Variants in SGTB observed in about 807,000 individuals in gnomAD.
The protein encoded by SGTB is small glutamine-rich tetratricopeptide repeat-containing protein beta.
Under a neutral mutation model 43.9 loss-of-function variants are expected in SGTB, and 19 were observed. The observed-to-expected ratio is 0.43, with a 90% confidence interval of 0.30 to 0.63. The LOEUF (loss-of-function observed/expected upper bound fraction) is 0.63. Among genes scored for constraint, SGTB ranks in the 30% least tolerant of loss-of-function variants. The pLI, the probability that SGTB is intolerant of heterozygous loss-of-function variation, is 0.12. For synonymous variants in SGTB, 116 were observed against 117.3 expected (o/e 0.99, Z 0.07); for missense variants, 304 against 358.9 (o/e 0.85, Z 1.24).
chr5:65,719,400 G>T (rs1410015711), intron 2 of SGTB, among the ~76,000 whole-genome samples: 1 of 151,928 alleles, frequency 6.6e-6, no homozygotes, highest in Non-Finnish European at 1.5e-5. Flanking sequence ...GAACAGCCTG[G>T]GCAACATGGC....
At chr5:65,722,457 G>C (rs761290408), upstream of SGTB, 18 of 1,542,194 alleles carry the variant, frequency 1.2e-5, no homozygotes, top group South Asian at 2.0e-4. Flanking sequence ...GGGCAGGGCG[G>C]GGTCTTTCGC....
rs1757131696 is a variant in SGTB at position 65,670,341 on chromosome 5, G to C, written c.820C>G (p.Gln274Glu). The change falls in exon 11 of 11, where the codon CAG becomes GAG. Residue 274 changes from glutamine (Q) to glutamate (E), a missense_variant. Transcript: ENST00000381007. ...SLIQAGQQFAQQIQQQNPELI... is the reference protein window; with the variant it reads ...SLIQAGQQFAEQIQQQNPELI... ...TCAGGATTTTGTTGCTGTATCTGCT[G>C]AGCAAACTGCTGTCCCCTGTAGTAA... 7 of 1,613,936 alleles carry C rather than the reference G, an allele frequency of 4.3e-6. No individual in the cohort carries two copies. The highest frequency in any genetic ancestry group is 5.9e-6 in the Non-Finnish European group (7 of 1,179,956).
At chr5:65,673,609 A>C (rs1163475195) in intron 8 of SGTB, among the ~76,000 whole-genome samples, 1 of 151,896 alleles carries the variant, frequency 6.6e-6, no homozygotes, top group Non-Finnish European at 1.5e-5. Context: ...ACTGTCTTCC[A>C]TGAAACCAGT....
chr5:65,709,862 A>G (rs1008807901), intron 3 of SGTB, among the ~76,000 whole-genome samples: 4 of 152,170 alleles, frequency 2.6e-5, no homozygotes, highest in African/African-American at 4.8e-5. Context: ...GGCTTCCCAA[A>G]GTGTTGGGAT....
chr5:65,700,950 C>T (rs982666493), intron 5 of SGTB, among the ~76,000 whole-genome samples: 6 of 129,068 alleles, frequency 4.6e-5, no homozygotes, highest in African/African-American at 1.8e-4. Flanking sequence ...GCGGAGGTTG[C>T]AGTGAACCAA....
Position 65,720,696 on chromosome 5 carries a change from G to A in SGTB, c.100+12C>T, listed in dbSNP as rs73763193. On this transcript the variant is annotated intron_variant, in intron 2 of 10. Transcript: ENST00000381007. ...ATTATAATATAAATGAACACAAAGA[G>A]CAGATGCATACCTTCCAAACTTTCT... The A allele has an allele frequency of 9.7e-3, 15,509 of 1,606,854 alleles. 849 individuals are homozygous for A. In the African/African-American group the frequency reaches 0.15, roughly 15 times the overall value.
chr5:65,709,053 T>G (rs891793975), intron 3 of SGTB, among the ~76,000 whole-genome samples: 3 of 146,356 alleles, frequency 2.0e-5, no homozygotes, highest in Non-Finnish European at 3.0e-5. Context: ...AAAAAAAAAA[T>G]AAGAATATGA....
intron 5 of SGTB, among the ~76,000 whole-genome samples, chr5:65,700,214 A>G (rs905091821): frequency 2.0e-5 from 3 of 152,242 alleles, no homozygotes; most frequent in African/African-American, 7.2e-5. Context: ...TCTGGGAACT[A>G]TATCTAACAG....
chr5:65,670,144 T>C lies in SGTB; in HGVS notation c.*102A>G, dbSNP rs1290113276. 1.8e-5 allele frequency: 16 copies of C among 879,030 alleles called. No homozygotes were observed. Among genetic ancestry groups the C allele is most frequent in the Non-Finnish European group, 2.3e-5 (13 of 553,452 alleles). 54.5% of individuals were successfully genotyped at this position (879,030 alleles called of 1,614,324 possible). ...CTCCATTATTTTCACACATCAGATA[T>C]GGTGTTTGGTTTTTTGAAGGAGGGA... On this transcript the variant is annotated 3_prime_UTR_variant, in exon 11 of 11. Coordinates refer to ENST00000381007, the MANE Select transcript of SGTB (RefSeq NM_019072.3).
At position 65,720,051 on chromosome 5, in the gene SGTB, G is replaced by A. The variant is rs537525905; in HGVS notation, c.100+657C>T. Among the ~76,000 whole-genome samples, 10 of 150,432 alleles carry A rather than the reference G, an allele frequency of 6.6e-5. No individual in the cohort carries two copies. In the East Asian group the frequency reaches 1.8e-3, roughly 26 times the overall value. On this transcript the variant is annotated intron_variant, in intron 2 of 10. Coordinates refer to ENST00000381007, the MANE Select transcript of SGTB (RefSeq NM_019072.3). Reference sequence around the variant, plus strand: ...TTATCACATATCAGCTGTGTTATCTGCTTACGCTATTTGGTTTCATTTTCT... The same window carrying A: ...TTATCACATATCAGCTGTGTTATCTACTTACGCTATTTGGTTTCATTTTCT...
intron 2 of SGTB, among the ~76,000 whole-genome samples, chr5:65,716,296 T>C (rs1475866311): frequency 6.6e-6 from 1 of 152,298 alleles, no homozygotes; most frequent in Non-Finnish European, 1.5e-5. Context: ...GTGAACAATA[T>C]GTCACAGAAG....
chr5:65,688,057 C>G (rs1757532946), intron 5 of SGTB, among the ~76,000 whole-genome samples: 1 of 152,228 alleles, frequency 6.6e-6, no homozygotes, highest in African/African-American at 2.4e-5. Context: ...GTGTGAGCCA[C>G]TGCACCTGGC....
rs1272987121 is a variant in SGTB at position 65,713,021 on chromosome 5, T to C, written c.144A>G (p.Glu48=). The C allele has an allele frequency of 1.2e-6, 2 of 1,613,632 alleles. No homozygotes were observed. The highest frequency in any genetic ancestry group is 1.7e-6 in the Non-Finnish European group (2 of 1,179,898). The part of the protein sequence containing the change: ...CLETVFKISP[E]DTHLAVSQPL... ...GCTGTGAAACTGCTAGGTGTGTATC[T>C]TCTGGGCTGATCTTAAAAACTGTCT... The change falls in exon 3 of 11, where the codon GAA becomes GAG. Residue 48 remains glutamate (E), a synonymous_variant. Coordinates refer to ENST00000381007, the MANE Select transcript of SGTB (RefSeq NM_019072.3).
In SGTB at chr5:65,669,994, C is replaced by A. The variant is rs1757124877; in HGVS notation, c.*252G>T. The A allele has an allele frequency of 5.2e-6, 2 of 381,448 alleles. No homozygotes were observed. Among genetic ancestry groups the A allele is most frequent in the South Asian group, 1.2e-4 (2 of 17,048 alleles). The allele number at this position is 381,448 out of a possible 1,614,324, so 23.6% of individuals were successfully genotyped here. On this transcript the variant is annotated 3_prime_UTR_variant, in exon 11 of 11. Transcript: ENST00000381007. ...TTGAAAATGGAACCTTATCCCAGTG[C>A]TATATTGGCACGTAACATGGCTAGT...
intron 6 of SGTB, among the ~76,000 whole-genome samples, chr5:65,684,608 A>G (rs1416420777): frequency 2.6e-5 from 4 of 152,100 alleles, no homozygotes; most frequent in Non-Finnish European, 1.5e-5. Flanking sequence ...ACTGGAGTGC[A>G]GTGGCTCTAT....
intron 5 of SGTB, among the ~76,000 whole-genome samples, chr5:65,691,634 A>G (rs1028958104): frequency 2.7e-5 from 4 of 148,248 alleles, no homozygotes; most frequent in African/African-American, 9.8e-5. Context: ...TGGCTAAGAA[A>G]GTGTTCTTTA....
chr5:65,674,250 C>T (rs1039645442), intron 8 of SGTB, among the ~76,000 whole-genome samples: 16 of 152,132 alleles, frequency 1.1e-4, no homozygotes, highest in African/African-American at 3.9e-4. Flanking sequence ...GGGTAATTTA[C>T]CCTCTGGATG....
intron 5 of SGTB, among the ~76,000 whole-genome samples, chr5:65,690,126 A>C (rs759231452): frequency 6.5e-4 from 99 of 152,146 alleles, no homozygotes; most frequent in Admixed American, 1.1e-3. Context: ...GGGAGAGAAG[A>C]AGCAGCCAAG....
chr5:65,670,267 G>A lies in SGTB; in HGVS notation c.894C>T (p.Ser298=). ...RNHIRSRSFS[S]SAEEHS ...TAAATCAGGAATGCTCTTCAGCGCT[G>A]CTGCTGAATGATCTGCTCCGGATGT... Residue 298 remains serine, a synonymous_variant, in exon 11 of 11, where the codon AGC becomes AGT. Coordinates refer to ENST00000381007, the MANE Select transcript of SGTB (RefSeq NM_019072.3). 1.2e-6 allele frequency: 2 copies of A among 1,614,126 alleles called. No homozygotes were observed. Among genetic ancestry groups the A allele is most frequent in the Non-Finnish European group, 1.7e-6 (2 of 1,179,972 alleles).
Sources: gnomAD v4.1 joint callset for allele counts (sites outside exome capture counted in the v4.1 genomes callset) on GRCh38, gnomAD v4.1.1 for gene constraint, MANE v1.5 for transcripts, NCBI Gene and HGNC (gene_info 2026-07-23, HGNC 2026-07-21) for gene names.